UBE4B: variants seen among roughly 807,000 people sequenced by gnomAD.
UBE4B encodes ubiquitination factor E4B.
Under a neutral mutation model 148.1 loss-of-function variants are expected in UBE4B, and 27 were observed. That is an observed-to-expected ratio of 0.18 (90% CI 0.13 to 0.25). The LOEUF (loss-of-function observed/expected upper bound fraction) is 0.25. UBE4B is among the 10% of genes least tolerant of loss of function. The pLI is 1.00. For missense variants in UBE4B, 1,170 were observed against 1,662.4 expected (o/e 0.70, Z 5.15); for synonymous variants, 596 against 619.3 (o/e 0.96, Z 0.56).
chr1:10,055,791 G>C (rs987779901), intron 1 of UBE4B, among the ~76,000 whole-genome samples: 4 of 152,086 alleles, frequency 2.6e-5, no homozygotes, highest in African/African-American at 9.7e-5. Flanking sequence ...GTGGTAGCAC[G>C]TGCCCGTAGT....
intron 8 of UBE4B, 24 bp downstream of exon 8, chr1:10,117,624 A>T: frequency 6.8e-7 from 1 of 1,465,438 alleles, no homozygotes; most frequent in Non-Finnish European, 9.1e-7. Flanking sequence ...GATTAACTTA[A>T]AAAAAAAAAA....
Position 10,111,818 on chromosome 1 carries a change from A to G in UBE4B, c.1196+5235A>G, listed in dbSNP as rs541575836. ...CTAAAAATACAAAAATTAGCTAGGC[A>G]TGATGGCATGTGCCTATAATCCCAG... On this transcript the variant is annotated intron_variant, in intron 7 of 27. Coordinates refer to ENST00000343090, the MANE Select transcript of UBE4B (RefSeq NM_001105562.3). Among the ~76,000 whole-genome samples the G allele has an allele frequency of 2.0e-4, 30 of 152,278 alleles. No homozygotes were observed. The South Asian group carries it at 6.0e-3, about 31-fold the overall frequency.
intron 25 of UBE4B, among the ~76,000 whole-genome samples, chr1:10,173,831 C>T (rs1157050974): frequency 6.6e-6 from 1 of 152,186 alleles, no homozygotes; most frequent in African/African-American, 2.4e-5. Context: ...TGTGGGTGGG[C>T]ACAGCACGCC....
intron 25 of UBE4B, among the ~76,000 whole-genome samples, chr1:10,176,642 T>TACCATTGG (rs1378893344): frequency 2.0e-5 from 3 of 152,194 alleles, no homozygotes; most frequent in Admixed American, 6.5e-5. Flanking sequence ...TAATGTCAAA[T>TACCATTGG]ACCATTGGAC....
intron 7 of UBE4B, among the ~76,000 whole-genome samples, chr1:10,107,921 T>G (rs1289581783): frequency 6.6e-6 from 1 of 152,112 alleles, no homozygotes; most frequent in Non-Finnish European, 1.5e-5. Context: ...GGAGGAAAAC[T>G]TTATGTATAA....
chr1:10,052,785 T>C (rs1427293005), intron 1 of UBE4B, among the ~76,000 whole-genome samples: 1 of 152,212 alleles, frequency 6.6e-6, no homozygotes, highest in Non-Finnish European at 1.5e-5. Context: ...TGGACTATTA[T>C]AACAAAATGC....
At chr1:10,137,278 T>A in intron 17 of UBE4B, 73 bp downstream of exon 17, 1 of 1,587,208 alleles carries the variant, frequency 6.3e-7, no homozygotes, top group Non-Finnish European at 8.6e-7. Context: ...AATTCCATTG[T>A]GAACAGTAGT....
chr1:10,100,304 A>T (rs1570887680), intron 3 of UBE4B, among the ~76,000 whole-genome samples: 1 of 151,922 alleles, frequency 6.6e-6, no homozygotes, highest in East Asian at 1.9e-4. Context: ...TCTCAATTAA[A>T]TTTTTAAAAA....
In UBE4B at chr1:10,102,936, C is replaced by T. The variant is rs775196265; in HGVS notation, c.436-12C>T. ...TATTTGAAATTAACCTGCAAATCTTCTTCTTCACCAGGAGCCTTCCTCGGG... is the reference window on the plus strand; with the variant it reads ...TATTTGAAATTAACCTGCAAATCTTTTTCTTCACCAGGAGCCTTCCTCGGG... On this transcript the variant is annotated splice_polypyrimidine_tract_variant and intron_variant, in intron 4 of 27. Transcript: ENST00000343090. 6 of 1,597,094 alleles carry T rather than the reference C, an allele frequency of 3.8e-6. No homozygotes were observed. The highest frequency in any genetic ancestry group is 2.2e-5 in the East Asian group (1 of 44,506).
chr1:10,129,483 G>A (rs773334687), intron 12 of UBE4B, 35 bp downstream of exon 12: 4 of 1,597,502 alleles, frequency 2.5e-6, no homozygotes, highest in Admixed American at 1.7e-5. Flanking sequence ...CACATTTTCA[G>A]TGAATATATC....
chr1:10,084,237 A>G (rs1644728743), intron 2 of UBE4B, among the ~76,000 whole-genome samples: 1 of 152,120 alleles, frequency 6.6e-6, no homozygotes, highest in African/African-American at 2.4e-5. Context: ...TTTCTATACC[A>G]TGTGTTCCTG....
At chr1:10,044,794 G>A (rs921167300) in intron 1 of UBE4B, among the ~76,000 whole-genome samples, 2 of 151,960 alleles carry the variant, frequency 1.3e-5, no homozygotes, top group African/African-American at 4.8e-5. Context: ...TGTTGGCCAG[G>A]CTGTTCTTGA....
In UBE4B at chr1:10,113,899, T is replaced by A. The variant is rs182155244; in HGVS notation, c.1197-3560T>A. ...GGCCAACATGGTGAAACCCCGTCTC[T>A]ACTAAAAATACAAAAATTAGCCAGG... On this transcript the variant is annotated intron_variant, in intron 7 of 27. Transcript: ENST00000343090. Among the ~76,000 whole-genome samples, 250 of 152,126 alleles carry A rather than the reference T, an allele frequency of 1.6e-3. 1 individual carries two copies. Among genetic ancestry groups the A allele is most frequent in the African/African-American group, 5.7e-3 (237 of 41,514 alleles).
At chr1:10,155,029 G>A (rs532236617) in intron 21 of UBE4B, among the ~76,000 whole-genome samples, 2 of 152,124 alleles carry the variant, frequency 1.3e-5, no homozygotes, top group Admixed American at 6.5e-5. Flanking sequence ...AATTTATTTT[G>A]TAGTCAGTGT....
At chr1:10,066,084 C>T (rs1570812017) in intron 1 of UBE4B, among the ~76,000 whole-genome samples, 1 of 133,130 alleles carries the variant, frequency 7.5e-6, no homozygotes, top group East Asian at 2.6e-4. Flanking sequence ...TCTCTACCTT[C>T]GTACCTCCCT....
rs1035094959 is a variant in UBE4B at position 10,090,083 on chromosome 1, A to G, written c.212-5378A>G. 4.0e-5 allele frequency among the ~76,000 whole-genome samples: 6 copies of G among 151,612 alleles called. No homozygotes were observed. The South Asian group carries it at 1.0e-3, about 26-fold the overall frequency. On this transcript the variant is annotated intron_variant, in intron 2 of 27. Coordinates refer to ENST00000343090, the MANE Select transcript of UBE4B (RefSeq NM_001105562.3). Reference sequence around the variant, plus strand: ...CTGTTCAGCAGTCTGGGGTAAAGGAATTACAGCATTATGTTAGGAATCAGG... The same window carrying G: ...CTGTTCAGCAGTCTGGGGTAAAGGAGTTACAGCATTATGTTAGGAATCAGG...
chr1:10,055,333 C>G (rs536924158), intron 1 of UBE4B, among the ~76,000 whole-genome samples: 1 of 148,744 alleles, frequency 6.7e-6, no homozygotes, highest in African/African-American at 2.5e-5. Context: ...TTTCTTTATT[C>G]TGAGACAAGA....
intron 2 of UBE4B, among the ~76,000 whole-genome samples, chr1:10,094,255 G>A (rs1644894125): frequency 6.6e-6 from 1 of 151,946 alleles, no homozygotes; most frequent in Non-Finnish European, 1.5e-5. Flanking sequence ...AAAGTGTCAG[G>A]TTTTTAATTT....
At chr1:10,123,328 G>A (rs979955341) in intron 10 of UBE4B, among the ~76,000 whole-genome samples, 1 of 151,340 alleles carries the variant, frequency 6.6e-6, no homozygotes, top group Non-Finnish European at 1.5e-5. Flanking sequence ...CTACTTGGGA[G>A]GCTGAGGTAG....
Sources: gnomAD v4.1 joint callset for allele counts (sites outside exome capture counted in the v4.1 genomes callset) on GRCh38, gnomAD v4.1.1 for gene constraint, MANE v1.5 for transcripts, NCBI Gene and HGNC (gene_info 2026-07-23, HGNC 2026-07-21) for gene names.